Variants in SLC30A6 observed in about 807,000 individuals in gnomAD.
SLC30A6 encodes the protein solute carrier family 30 member 6.
Under a neutral mutation model 63.0 loss-of-function variants are expected in SLC30A6, and 55 were observed. The observed-to-expected ratio is 0.87, with a 90% CI of 0.70 to 1.09. The LOEUF is 1.09. Among genes scored for constraint, SLC30A6 ranks in the 50% least tolerant of loss-of-function variants. The pLI is 0.00. For missense variants in SLC30A6, 587 were observed against 549.2 expected (o/e 1.07, Z -0.69); for synonymous variants, 224 against 186.1 (o/e 1.20, Z -1.66).
At chr2:32,180,402 C>G (rs933564104) in intron 4 of SLC30A6, among the ~76,000 whole-genome samples, 3 of 149,936 alleles carry the variant, frequency 2.0e-5, no homozygotes, top group African/African-American at 4.9e-5. Flanking sequence ...CACACTGATA[C>G]CCTGTCTCAA....
At chr2:32,200,234 C>G (rs1282927350) in intron 10 of SLC30A6, among the ~76,000 whole-genome samples, 5 of 152,030 alleles carry the variant, frequency 3.3e-5, no homozygotes, top group Admixed American at 2.0e-4. Context: ...AGCCTCTGGT[C>G]TTCTAGTTTT....
intron 13 of SLC30A6, among the ~76,000 whole-genome samples, chr2:32,215,081 C>A (rs928604703): frequency 6.6e-5 from 10 of 152,168 alleles, no homozygotes; most frequent in African/African-American, 2.4e-4. Context: ...TGTTACTAAA[C>A]AATTTGGCTA....
chr2:32,213,739 C>T (rs926128963), intron 13 of SLC30A6, among the ~76,000 whole-genome samples: 5 of 151,110 alleles, frequency 3.3e-5, no homozygotes, highest in African/African-American at 1.2e-4. Flanking sequence ...TCATAAGTCC[C>T]TTAGTGAATA....
chr2:32,182,226 C>T (rs1682392296), intron 4 of SLC30A6, among the ~76,000 whole-genome samples: 1 of 152,130 alleles, frequency 6.6e-6, no homozygotes, highest in Admixed American at 6.6e-5. Flanking sequence ...CATGAGCCAC[C>T]ACGCCCAGCC....
intron 4 of SLC30A6, among the ~76,000 whole-genome samples, chr2:32,178,273 AT>A (rs1169788449): frequency 1.3e-5 from 2 of 151,682 alleles, no homozygotes; most frequent in Non-Finnish European, 2.9e-5. Flanking sequence ...ATGGTGTGAG[AT>A]TGGGGGTTCA....
intron 13 of SLC30A6, among the ~76,000 whole-genome samples, chr2:32,219,023 C>T (rs955052676): frequency 6.6e-6 from 1 of 152,046 alleles, no homozygotes; most frequent in Non-Finnish European, 1.5e-5. Context: ...TCTTTTTAAC[C>T]TTATTACCTA....
chr2:32,203,140 T>A, intron 10 of SLC30A6: 1 of 1,271,994 alleles, frequency 7.9e-7, no homozygotes, highest in Non-Finnish European at 1.2e-6. Context: ...GCAACCAACG[T>A]GGCTGCCTGT....
chr2:32,197,323 TTAAG>T lies in SLC30A6; in HGVS notation c.497-18_497-15del, dbSNP rs1558403834. The T allele has an allele frequency of 1.9e-6, 3 of 1,600,246 alleles. No individual in the cohort carries two copies. The highest frequency in any genetic ancestry group is 2.6e-6 in the Non-Finnish European group (3 of 1,173,260). The stretch of plus-strand genomic sequence containing the variant: ...TTTTTTTTTCTTCTATATAGATAAT[TTAAG>T]TATTTTCTTCTTAAAGCTGCTAGTA... On this transcript the variant is annotated splice_polypyrimidine_tract_variant and intron_variant, in intron 8 of 13. Transcript: ENST00000282587.
chr2:32,198,677 G>A (rs532497059), intron 10 of SLC30A6, among the ~76,000 whole-genome samples: 136 of 152,212 alleles, frequency 8.9e-4, no homozygotes, highest in African/African-American at 3.1e-3. Flanking sequence ...TCCACCTCCC[G>A]AGTTCAAGCA....
chr2:32,192,220 A>G, intron 5 of SLC30A6, 116 bp from the exon 6 acceptor site: 3 of 834,428 alleles, frequency 3.6e-6, no homozygotes, highest in Non-Finnish European at 5.9e-6. Flanking sequence ...TTGGGCTCAT[A>G]GTAGACAGCA....
At position 32,197,772 on chromosome 2, in the gene SLC30A6, T is replaced by C. The variant is rs759296921; in HGVS notation, c.611T>C (p.Ile204Thr). ...FLPRMNPFVLIDLAGAFALCI... is the reference protein window; with the variant it reads ...FLPRMNPFVLTDLAGAFALCI... ...CCCCGAATGAATCCATTTGTTTTGA[T>C]TGATCTTGCTGGAGCATTTGCTCTT... Residue 204 changes from isoleucine (I) to threonine (T), a missense_variant, in exon 10 of 14, where the codon ATT becomes ACT. Transcript: ENST00000282587. 103 of 1,614,164 alleles carry C rather than the reference T, an allele frequency of 6.4e-5. 3 individuals carry two copies. In the South Asian group the frequency reaches 1.1e-3, roughly 17 times the overall value.
At chr2:32,180,839 GTAA>G (rs1237006619) in intron 4 of SLC30A6, among the ~76,000 whole-genome samples, 2 of 152,174 alleles carry the variant, frequency 1.3e-5, no homozygotes, top group Non-Finnish European at 1.5e-5. Context: ...TAAAACTAAA[GTAA>G]TAATGTTTCC....
chr2:32,169,501 G>A (rs944497226), intron 1 of SLC30A6, among the ~76,000 whole-genome samples: 2 of 152,172 alleles, frequency 1.3e-5, no homozygotes, highest in Non-Finnish European at 2.9e-5. Flanking sequence ...TTTATTGGCT[G>A]GGTGCGGTGG....
In SLC30A6 at chr2:32,222,347, G is replaced by A. The variant is rs1262045389; in HGVS notation, c.*1634G>A. 1.3e-5 allele frequency: 2 copies of A among 152,122 alleles called. No individual in the cohort carries two copies. The highest frequency in any genetic ancestry group is 2.9e-5 in the Non-Finnish European group (2 of 68,012). The allele number at this position is 152,122 out of a possible 1,614,324, so 9.4% of individuals were successfully genotyped here. On this transcript the variant is annotated 3_prime_UTR_variant, in exon 14 of 14. Transcript: ENST00000282587. ...AACTTTCCTGGAATCCAATGCTCCT[G>A]GAGATTTATGACTTTCCCAGCCATC...
intron 10 of SLC30A6, among the ~76,000 whole-genome samples, chr2:32,201,044 G>T (rs1339859511): frequency 6.6e-6 from 1 of 152,020 alleles, no homozygotes; most frequent in Non-Finnish European, 1.5e-5. Flanking sequence ...TGAAGTCTCT[G>T]CCCAAATGTC....
rs1283366535 is a variant in SLC30A6 at position 32,206,929 on chromosome 2, G to A, written c.812G>A (p.Arg271Lys). The A allele has an allele frequency of 1.2e-6, 2 of 1,606,978 alleles. No homozygotes were observed. The highest frequency in any genetic ancestry group is 1.3e-5 in the African/African-American group (1 of 74,776). Reference sequence around the variant, plus strand: ...ATTGGTCAGTTGGACAAACTCATCAGAGAGGTAAGATGGAATAGTAAATAA... The same window carrying A: ...ATTGGTCAGTTGGACAAACTCATCAAAGAGGTAAGATGGAATAGTAAATAA... Reference protein sequence around the residue: ...HVIGQLDKLIREVSTLDGVLE... With the variant: ...HVIGQLDKLIKEVSTLDGVLE... The change falls in exon 12 of 14, where the codon AGA (arginine) becomes AAA (lysine). Residue 271 changes from arginine (R) to lysine (K), a missense_variant. By Grantham distance (26) the Arg-to-Lys change is conservative (BLOSUM62 2). Transcript: ENST00000282587.
chr2:32,174,206 A>G, intron 3 of SLC30A6, 59 bp downstream of exon 3: 3 of 1,251,170 alleles, frequency 2.4e-6, no homozygotes, highest in Non-Finnish European at 3.5e-6. Context: ...TTCTCATTGG[A>G]AATAAAGGTA....
At chr2:32,219,112 C>A (rs1685947930) in intron 13 of SLC30A6, among the ~76,000 whole-genome samples, 1 of 152,178 alleles carries the variant, frequency 6.6e-6, no homozygotes, top group Admixed American at 6.5e-5. Context: ...CGGCTCACTG[C>A]AACCTCCGCC....
rs191078187 is a variant in SLC30A6, at chr2:32,173,019, C to T, written c.91-1044C>T. On this transcript the variant is annotated intron_variant, in intron 2 of 13. Transcript: ENST00000282587. ...ATAAAGGCAATCCTTTCACTTGTTG[C>T]CTACTGAAAGATGATGTCCCTATAA... is the stretch of plus-strand genomic sequence containing the variant. Among the ~76,000 whole-genome samples, 4 of 152,318 alleles carry T rather than the reference C, an allele frequency of 2.6e-5. No homozygotes were observed. In the East Asian group the frequency reaches 7.7e-4, roughly 29 times the overall value.
Sources: gnomAD v4.1 joint callset for allele counts (sites outside exome capture counted in the v4.1 genomes callset) on GRCh38, gnomAD v4.1.1 for gene constraint, MANE v1.5 for transcripts, NCBI Gene and HGNC (gene_info 2026-07-23, HGNC 2026-07-21) for gene names.